Variants in COPG1 observed in about 807,000 individuals in gnomAD.
COPG1 encodes coat protein complex I subunit gamma 1.
A neutral mutation model predicts 102.8 loss-of-function variants in COPG1; 29 were observed. The observed-to-expected ratio is 0.28, with a 90% confidence interval of 0.21 to 0.38. The LOEUF (loss-of-function observed/expected upper bound fraction) is 0.38, where lower values mean the gene tolerates loss of function less well. Among genes scored for constraint, COPG1 ranks in the 10% least tolerant of loss-of-function variants. The pLI is 1.00. For synonymous variants in COPG1, 406 were observed against 421.6 expected (o/e 0.96, Z 0.45); for missense variants, 875 against 1,132.7 (o/e 0.77, Z 3.27).
At chr3:129,263,325 T>C (rs1161886109) in intron 12 of COPG1, among the ~76,000 whole-genome samples, 1 of 152,102 alleles carries the variant, frequency 6.6e-6, no homozygotes, top group Admixed American at 6.6e-5. Flanking sequence ...GAGATGTTTG[T>C]GGTTGCAGAC....
intron 21 of COPG1, among the ~76,000 whole-genome samples, chr3:129,274,552 G>A (rs1025327676): frequency 1.3e-5 from 2 of 152,218 alleles, no homozygotes; most frequent in Non-Finnish European, 2.9e-5. Context: ...ACTGACACTA[G>A]GCAGGCTTAG....
intron 5 of COPG1, among the ~76,000 whole-genome samples, chr3:129,253,810 G>A (rs1939745892): frequency 6.6e-6 from 1 of 152,036 alleles, no homozygotes; most frequent in African/African-American, 2.4e-5. Context: ...GACCATCCTG[G>A]CCAACATGGT....
intron 6 of COPG1, 85 bp downstream of exon 6, chr3:129,254,828 A>G (rs957828963): frequency 5.1e-5 from 69 of 1,342,770 alleles, no homozygotes; most frequent in African/African-American, 3.3e-4. Flanking sequence ...GGTGTCCCCT[A>G]TCACTGAGCC....
In COPG1 at chr3:129,272,567, C is replaced by T. The variant is rs528810478; in HGVS notation, c.2158+152C>T. On this transcript the variant is annotated intron_variant, in intron 20 of 23. Coordinates refer to ENST00000314797, the MANE Select transcript of COPG1 (RefSeq NM_016128.4). Reference sequence around the variant, plus strand: ...GAAGAATAGCTGAGTCCCAAGTGCTCTTCTTTAAAAATTTTTTTTTTTAAA... The same window carrying T: ...GAAGAATAGCTGAGTCCCAAGTGCTTTTCTTTAAAAATTTTTTTTTTTAAA... 1.5e-5 allele frequency: 11 copies of T among 731,252 alleles called. No individual in the cohort carries two copies. The South Asian group carries it at 2.1e-4, about 14-fold the overall frequency. 45.3% of individuals were successfully genotyped at this position (731,252 alleles called of 1,614,324 possible).
Position 129,274,814 on chromosome 3 carries a change from T to G in COPG1, c.2257-24T>G, listed in dbSNP as rs369833314. ...GCCCGTAGGTGTGTAGATGGGTGCC[T>G]GATTTCTACCTCCATCTCTCCAGCT... On this transcript the variant is annotated intron_variant, in intron 21 of 23. Transcript: ENST00000314797. 60 of 1,602,814 alleles carry G rather than the reference T, an allele frequency of 3.7e-5. 1 individual carries two copies. Among genetic ancestry groups the G allele is most frequent in the South Asian group, 3.5e-4 (31 of 89,208 alleles).
In COPG1 at chr3:129,271,791, T is replaced by C; in HGVS notation, c.1868T>C (p.Phe623Ser). 6.2e-7 allele frequency: 1 copy of C among 1,614,206 alleles called. No individual in the cohort carries two copies. The highest frequency in any genetic ancestry group is 8.5e-7 in the Non-Finnish European group (1 of 1,180,036). The change falls in exon 19 of 24, where the codon TTC (phenylalanine) becomes TCC (serine). Residue 623 changes from phenylalanine to serine, a missense_variant. Phe to Ser is a radical substitution (Grantham distance 155). Transcript: ENST00000314797. This position sits in a 1 kb window ranked among gnomAD's most constrained non-coding sequence, Gnocchi z 4.7. ...FQEQLAAVPE[F>S]RGLGPLFKSS... is the part of the protein sequence containing the mutation. ...GAGCAGTTGGCAGCAGTGCCAGAGT[T>C]CCGCGGTCTTGGGCCCCTCTTCAAG...
rs538520327 is a variant in COPG1, at chr3:129,275,657, C to T, written c.2494+365C>T. Reference sequence around the variant, plus strand: ...TCACTTTACATTGCATCTTAGAGATCTTCCCCGTCAATATGTAGAGCTTCC... The same window carrying T: ...TCACTTTACATTGCATCTTAGAGATTTTCCCCGTCAATATGTAGAGCTTCC... On this transcript the variant is annotated intron_variant, in intron 23 of 23. Coordinates refer to ENST00000314797, the MANE Select transcript of COPG1 (RefSeq NM_016128.4). This position sits in a 1 kb window ranked among gnomAD's most constrained non-coding sequence, Gnocchi z 5.0. Among the ~76,000 whole-genome samples the T allele has an allele frequency of 1.8e-4, 27 of 152,202 alleles. No homozygotes were observed. Among genetic ancestry groups the T allele is most frequent in the Non-Finnish European group, 1.2e-4 (8 of 67,994 alleles).
At chr3:129,268,468 G>A (rs749281102) in intron 16 of COPG1, 27 bp from the exon 17 acceptor site, 9 of 1,611,460 alleles carry the variant, frequency 5.6e-6, no homozygotes, top group Non-Finnish European at 7.6e-6. Flanking sequence ...CTATCTGCCA[G>A]GCATGGTGAC....
At chr3:129,269,907 A>G (rs1045049507) in intron 18 of COPG1, among the ~76,000 whole-genome samples, 7 of 151,420 alleles carry the variant, frequency 4.6e-5, no homozygotes, top group African/African-American at 1.7e-4. Flanking sequence ...TTCTTTCAGG[A>G]GGCTCCAGGT....
chr3:129,264,477 T>C (rs1371837730), intron 13 of COPG1, among the ~76,000 whole-genome samples: 1 of 152,176 alleles, frequency 6.6e-6, no homozygotes, highest in Non-Finnish European at 1.5e-5. Context: ...ATGGAGTAGA[T>C]TTGTTCCTCA....
intron 5 of COPG1, among the ~76,000 whole-genome samples, chr3:129,253,779 C>T (rs767045487): frequency 1.3e-5 from 2 of 151,992 alleles, no homozygotes; most frequent in Non-Finnish European, 2.9e-5. Flanking sequence ...ATGGGTGGAT[C>T]ACTTGAGGTC....
intron 12 of COPG1, among the ~76,000 whole-genome samples, chr3:129,261,681 C>T (rs144889671): frequency 6.6e-6 from 1 of 152,334 alleles, no homozygotes; most frequent in East Asian, 1.9e-4. Flanking sequence ...AGGAAAGTGA[C>T]ACTGGCATGA....
intron 23 of COPG1, among the ~76,000 whole-genome samples, chr3:129,276,076 T>C (rs1319297611): frequency 6.6e-6 from 1 of 152,266 alleles, no homozygotes; most frequent in Non-Finnish European, 1.5e-5. Flanking sequence ...GTGATTTGTG[T>C]TTCTCATCTT....
chr3:129,261,297 G>C (rs1056479121), intron 12 of COPG1, among the ~76,000 whole-genome samples: 3 of 152,080 alleles, frequency 2.0e-5, no homozygotes, highest in South Asian at 2.1e-4. Context: ...AGTCTGGGAA[G>C]GCCCTTCTGG....
intron 21 of COPG1, 82 bp downstream of exon 21, chr3:129,272,986 G>A: frequency 1.6e-6 from 1 of 644,682 alleles, no homozygotes. Context: ...TGAGACTGGA[G>A]CTGTTTTTGG....
chr3:129,257,942 A>T, intron 10 of COPG1, 82 bp downstream of exon 10: 1 of 1,541,444 alleles, frequency 6.5e-7, no homozygotes. Context: ...AGGAGAAAGA[A>T]AGAAAATGCT....
chr3:129,275,129 G>A lies in COPG1; in HGVS notation c.2396-65G>A. 2.6e-6 allele frequency: 4 copies of A among 1,519,698 alleles called. No homozygotes were observed. In the South Asian group the frequency reaches 4.5e-5, roughly 17 times the overall value. 94.1% of individuals were successfully genotyped at this position (1,519,698 alleles called of 1,614,324 possible). On this transcript the variant is annotated intron_variant, in intron 22 of 23. Coordinates refer to ENST00000314797, the MANE Select transcript of COPG1 (RefSeq NM_016128.4). The surrounding 1 kb of genome is among the most constrained non-coding windows in gnomAD (Gnocchi z 5.0). Reference sequence around the variant, plus strand: ...TTCATTAAAAGCCCTTCAGAACATGGGGGAGTGGTGGTGGCACAAAGGGCA... The same window carrying A: ...TTCATTAAAAGCCCTTCAGAACATGAGGGAGTGGTGGTGGCACAAAGGGCA...
intron 18 of COPG1, among the ~76,000 whole-genome samples, chr3:129,270,881 G>A (rs987496682): frequency 3.3e-5 from 5 of 152,174 alleles, no homozygotes; most frequent in Admixed American, 2.0e-4. Flanking sequence ...GTATATATTG[G>A]AATAATCTGA....
At position 129,272,352 on chromosome 3, in the gene COPG1, C is replaced by A. The variant is rs1383138616; in HGVS notation, c.2095C>A (p.Pro699Thr). 11 of 1,614,126 alleles carry A rather than the reference C, an allele frequency of 6.8e-6. No homozygotes were observed. The highest frequency in any genetic ancestry group is 9.3e-6 in the Non-Finnish European group (11 of 1,179,980). The part of the protein sequence containing the change: ...VLCYVPARSL[P>T]YNQPGTCYTL... The stretch of plus-strand genomic sequence containing the variant: ...CTGTTACGTGCCTGCCCGGAGCCTG[C>A]CCTACAACCAGCCCGGGACCTGCTA... Residue 699 changes from proline to threonine, a missense_variant, in exon 20 of 24, where the codon CCC becomes ACC. Coordinates refer to ENST00000314797, the MANE Select transcript of COPG1 (RefSeq NM_016128.4).
Sources: allele counts gnomAD v4.1 joint callset (sites outside exome capture counted in the v4.1 genomes callset), GRCh38; gene constraint gnomAD v4.1.1; non-coding constraint Gnocchi (gnomAD v3.1); transcripts MANE v1.5; gene names NCBI Gene and HGNC (gene_info 2026-07-23, HGNC 2026-07-21).